ARAP2: variants seen among roughly 807,000 people sequenced by gnomAD.
ARAP2 encodes arf-GAP with Rho-GAP domain, ANK repeat and PH domain-containing protein 2.
ARAP2 carries 148 observed loss-of-function variants against 194.5 expected under a neutral mutation model. That is an observed-to-expected ratio of 0.76 (90% CI 0.67 to 0.87). The LOEUF (loss-of-function observed/expected upper bound fraction) is 0.87, where lower values mean the gene tolerates loss of function less well. Ranked by LOEUF, ARAP2 falls within the 40% of genes least tolerant of loss-of-function variation. The pLI is 0.00. For synonymous variants in ARAP2, 695 were observed against 683.5 expected (o/e 1.02, Z -0.26); for missense variants, 2,128 against 1,989.7 (o/e 1.07, Z -1.32).
At chr4:36,059,125 T>G (rs1359226311) in intron 1 of ARAP2, among the ~76,000 whole-genome samples, 1 of 152,206 alleles carries the variant, frequency 6.6e-6, no homozygotes, top group Non-Finnish European at 1.5e-5. Context: ...AGGTGGTGCA[T>G]TGGAACAATC....
chr4:36,186,782 G>C (rs111267481), intron 8 of ARAP2, among the ~76,000 whole-genome samples: 39 of 152,392 alleles, frequency 2.6e-4, no homozygotes, highest in African/African-American at 9.1e-4. Flanking sequence ...CTCCTTATGA[G>C]AGTCTAATGC....
At chr4:36,188,676 T>G (rs1015423044) in intron 7 of ARAP2, among the ~76,000 whole-genome samples, 2 of 152,190 alleles carry the variant, frequency 1.3e-5, no homozygotes, top group African/African-American at 4.8e-5. Context: ...GATACATCCT[T>G]AAGGGATTTC....
rs780231221 is a variant in ARAP2 at position 36,073,714 on chromosome 4, G to C, written c.4718C>G (p.Ala1573Gly). 1 of 1,612,268 alleles carries C rather than the reference G, an allele frequency of 6.2e-7. No homozygotes were observed. The highest frequency in any genetic ancestry group is 1.1e-5 in the South Asian group (1 of 90,818). The change falls in exon 32 of 33, where the codon GCA (alanine) becomes GGA (glycine). Residue 1573 changes from alanine (A) to glycine (G), a missense_variant. Physicochemically the swap from Ala to Gly is moderately conservative, Grantham distance 60. Coordinates refer to ENST00000303965, the MANE Select transcript of ARAP2 (RefSeq NM_015230.4). The part of the protein sequence containing the change: ...PLIPIQHEGN[A>G]TLARKNIESA... Reference sequence around the variant, plus strand: ...CTCAATATTTTTCCGGGCCAAGGTTGCATTCCCCTCATGCTGTATAGGAAT... The same window carrying C: ...CTCAATATTTTTCCGGGCCAAGGTTCCATTCCCCTCATGCTGTATAGGAAT...
intron 8 of ARAP2, among the ~76,000 whole-genome samples, chr4:36,014,322 GAGAGAAAGAAAGAAAGAAAGAAAGAA>G (rs1715311043): frequency 1.6e-5 from 2 of 128,304 alleles, no homozygotes; most frequent in Admixed American, 8.1e-5. Context: ...AAGAAAGAAA[GAGAGAAAGAAAGAAAGAAAGAAAGAA>G]AGAAAGAAAG....
chr4:36,012,599 A>T (rs987910758), exon 9 of ARAP2: 54 of 152,236 alleles, frequency 3.5e-4, no homozygotes, highest in African/African-American at 1.3e-3. Flanking sequence ...CATGTTCTTC[A>T]AAATGTAAAG....
At chr4:36,034,669 T>C (rs1719609289) in intron 5 of ARAP2, among the ~76,000 whole-genome samples, 1 of 152,014 alleles carries the variant, frequency 6.6e-6, no homozygotes, top group Non-Finnish European at 1.5e-5. Context: ...GGAGTGGTGT[T>C]TGGTTCTCAA....
chr4:36,224,630 A>T (rs1749881214), intron 2 of ARAP2, among the ~76,000 whole-genome samples: 1 of 152,186 alleles, frequency 6.6e-6, no homozygotes, highest in Non-Finnish European at 1.5e-5. Context: ...ATATAAATGT[A>T]ATGACTTTTT....
intron 4 of ARAP2, among the ~76,000 whole-genome samples, 177 bp from the exon 5 acceptor site, chr4:36,212,664 A>G (rs1458946716): frequency 6.3e-5 from 3 of 47,910 alleles, no homozygotes; most frequent in African/African-American, 1.2e-4. Flanking sequence ...CATTAAACAG[A>G]CTTTTGATTT....
chr4:36,084,761 A>G (rs911213522), intron 28 of ARAP2, among the ~76,000 whole-genome samples: 2 of 152,118 alleles, frequency 1.3e-5, no homozygotes, highest in Admixed American at 6.6e-5. Flanking sequence ...GATGATCAGA[A>G]ATAATGCTGT....
intron 1 of ARAP2, 22 bp from the exon 2 acceptor site, chr4:36,229,667 T>C (rs529231987): frequency 8.3e-5 from 37 of 445,216 alleles, no homozygotes; most frequent in African/African-American, 7.1e-4. Context: ...TAAAAAATGA[T>C]TCATTAGGCT....
chr4:36,161,475 T>C lies in ARAP2; in HGVS notation c.2249A>G (p.Glu750Gly), dbSNP rs1348398915. The change falls in exon 12 of 33, where the codon GAA becomes GGA. Residue 750 changes from glutamate (E) to glycine (G), a missense_variant. Glu to Gly is a moderately conservative substitution (Grantham distance 98). Transcript: ENST00000303965. Reference protein sequence around the residue: ...LKMDASIWSNELIELFIVIGN... With the variant: ...LKMDASIWSNGLIELFIVIGN... ...TTAAATAGGACTCACCTCGATGAGTTCATTGCTCCAAATGCTAGCATCCAT... is the reference window on the plus strand; with the variant it reads ...TTAAATAGGACTCACCTCGATGAGTCCATTGCTCCAAATGCTAGCATCCAT... 6.2e-7 allele frequency: 1 copy of C among 1,613,844 alleles called. No individual in the cohort carries two copies. The highest frequency in any genetic ancestry group is 1.1e-5 in the South Asian group (1 of 91,072).
intron 31 of ARAP2, among the ~76,000 whole-genome samples, chr4:36,077,715 T>C (rs946385174): frequency 1.3e-5 from 2 of 152,142 alleles, no homozygotes; most frequent in Non-Finnish European, 2.9e-5. Flanking sequence ...AACAAAATAA[T>C]TTTTTTCAAT....
At chr4:36,139,992 GCC>G (rs1371790350) in intron 19 of ARAP2, among the ~76,000 whole-genome samples, 1 of 151,402 alleles carries the variant, frequency 6.6e-6, no homozygotes, top group Non-Finnish European at 1.5e-5. Context: ...GTTGTTTCTA[GCC>G]CATCCTATTT....
At chr4:36,140,139 T>TACACAC (rs66531233) in intron 19 of ARAP2, among the ~76,000 whole-genome samples, 6,962 of 140,404 alleles carry the variant, frequency 0.05, 207 homozygotes, top group South Asian at 0.064. Flanking sequence ...ACAAAAACAA[T>TACACAC]ACACACACAC....
In ARAP2 at chr4:36,147,307, T is replaced by C; in HGVS notation, c.3252A>G (p.Val1084=). The change falls in exon 19 of 33, where the codon GTA becomes GTG. Residue 1084 remains valine, a synonymous_variant. Coordinates refer to ENST00000303965, the MANE Select transcript of ARAP2 (RefSeq NM_015230.4). ...AAAAAGGCACTTACCTCCCTTTTTC[T>C]ACCAAGAGTAAAACATCCAGTTTTT... ...NGEKLDVLLL[V]EKGRTLYIHG... The C allele has an allele frequency of 6.2e-7, 1 of 1,612,974 alleles. No homozygotes were observed. The highest frequency in any genetic ancestry group is 1.1e-5 in the South Asian group (1 of 90,992).
At chr4:36,054,756 A>G (rs769787585) in intron 2 of ARAP2, among the ~76,000 whole-genome samples, 1 of 152,236 alleles carries the variant, frequency 6.6e-6, no homozygotes, top group Non-Finnish European at 1.5e-5. Context: ...ATAAGCTTTT[A>G]TCACAATCTG....
intron 32 of ARAP2, among the ~76,000 whole-genome samples, 160 bp from the exon 33 acceptor site, chr4:36,068,438 T>C (rs570063506): frequency 6.6e-6 from 1 of 152,386 alleles, no homozygotes. Context: ...TCTGAATTTA[T>C]ATACTAATCT....
At chr4:36,164,770 T>G in intron 11 of ARAP2, 144 bp downstream of exon 11, 1 of 804,752 alleles carries the variant, frequency 1.2e-6, no homozygotes, top group Non-Finnish European at 1.9e-6. Flanking sequence ...AGACTCATAT[T>G]TCTGAATTTG....
chr4:36,209,623 C>G (rs555271825), intron 6 of ARAP2, among the ~76,000 whole-genome samples: 2 of 152,006 alleles, frequency 1.3e-5, no homozygotes, highest in African/African-American at 4.8e-5. Context: ...GGAGTGAAAA[C>G]CAGCACACTG....
Sources: allele counts gnomAD v4.1 joint callset (sites outside exome capture counted in the v4.1 genomes callset), GRCh38; gene constraint gnomAD v4.1.1; transcripts MANE v1.5; gene names NCBI Gene and HGNC (gene_info 2026-07-23, HGNC 2026-07-21).